The following SPIDR variants were observed in gnomAD, a reference collection of about 807,000 sequenced individuals.
SPIDR encodes DNA repair-scaffolding protein.
Under a neutral mutation model 104.6 loss-of-function variants are expected in SPIDR, and 93 were observed. The ratio of observed to expected loss-of-function variants is 0.89; its 90% CI spans 0.75 to 1.06. The LOEUF is 1.06. SPIDR is among the 50% of genes least tolerant of loss of function. SPIDR has a pLI of 0.00. For missense variants in SPIDR, 1,154 were observed against 1,111.2 expected (o/e 1.04, Z -0.55); for synonymous variants, 431 against 416.9 (o/e 1.03, Z -0.41).
chr8:47,331,964 ACTTTTTTTTTTTTTTTTTTTTTCTC>A (rs2048747154), intron 5 of SPIDR, among the ~76,000 whole-genome samples: 1 of 50,618 alleles, frequency 2.0e-5, no homozygotes, highest in African/African-American at 7.1e-5. Flanking sequence ...ATTTTTTTAA[ACTTTTTTTTTTTTTTTTTTTTTCTC>A]TTTTTTTTTT....
chr8:47,724,046 A>G (rs1427525042), intron 16 of SPIDR, among the ~76,000 whole-genome samples: 4 of 152,134 alleles, frequency 2.6e-5, no homozygotes, highest in African/African-American at 9.7e-5. Context: ...CTTCTCTAGT[A>G]TTCTTCCTTT....
intron 10 of SPIDR, among the ~76,000 whole-genome samples, chr8:47,619,447 T>TGCA (rs750868787): frequency 1.8e-4 from 28 of 152,274 alleles, no homozygotes; most frequent in Middle Eastern, 3.4e-3. Context: ...GCAGCCCCTG[T>TGCA]GCAGCTCCCT....
At position 47,575,018 on chromosome 8, in the gene SPIDR, A is replaced by G. The variant is rs75746529; in HGVS notation, c.1098-20793A>G. Among the ~76,000 whole-genome samples the G allele has an allele frequency of 4.7e-3, 722 of 152,246 alleles. 5 individuals carry two copies. The highest frequency in any genetic ancestry group is 0.016 in the African/African-American group (685 of 41,526). On this transcript the variant is annotated intron_variant, in intron 8 of 19. Transcript: ENST00000297423. ...ATTTTCAGTTCAACTAGAATTTTTA[A>G]ACCAGAAAACAAAACAGAACCCCTG...
rs188549514 is a variant in SPIDR at position 47,693,558 on chromosome 8, C to T, written c.1686-6845C>T. On this transcript the variant is annotated intron_variant, in intron 11 of 19. Transcript: ENST00000297423. ...GATCCATGGCCTCGTGCCATGCCAGCGTTATGCGCCTCCCAGGCACCAGTC... is the reference window on the plus strand; with the variant it reads ...GATCCATGGCCTCGTGCCATGCCAGTGTTATGCGCCTCCCAGGCACCAGTC... Among the ~76,000 whole-genome samples the T allele has an allele frequency of 1.8e-3, 268 of 152,330 alleles. 1 individual carries two copies. Among genetic ancestry groups the T allele is most frequent in the African/African-American group, 5.6e-3 (231 of 41,570 alleles).
chr8:47,388,889 A>G (rs1554649839), intron 5 of SPIDR, among the ~76,000 whole-genome samples: 1 of 152,234 alleles, frequency 6.6e-6, no homozygotes, highest in Non-Finnish European at 1.5e-5. Context: ...GATGGCTTCA[A>G]CCAAGGTCAT....
intron 8 of SPIDR, among the ~76,000 whole-genome samples, chr8:47,552,564 A>G (rs2090691525): frequency 6.6e-6 from 1 of 151,430 alleles, no homozygotes. Flanking sequence ...TTGTTTTATT[A>G]GAGACTAGGA....
intron 5 of SPIDR, among the ~76,000 whole-genome samples, chr8:47,323,932 A>G (rs1349757349): frequency 6.6e-6 from 1 of 152,192 alleles, no homozygotes; most frequent in Non-Finnish European, 1.5e-5. Context: ...ATAAGAAATA[A>G]TACTGTAACT....
chr8:47,289,368 T>G (rs1210504247), intron 3 of SPIDR, among the ~76,000 whole-genome samples: 2 of 152,168 alleles, frequency 1.3e-5, no homozygotes, highest in African/African-American at 4.8e-5. Flanking sequence ...AAAATGTGCT[T>G]TGAAATATAT....
chr8:47,553,297 G>T (rs2090849226), intron 8 of SPIDR, among the ~76,000 whole-genome samples: 1 of 151,486 alleles, frequency 6.6e-6, no homozygotes, highest in South Asian at 2.1e-4. Context: ...TCCTGAATTT[G>T]AATGTTGGGG....
intron 5 of SPIDR, among the ~76,000 whole-genome samples, chr8:47,298,305 GT>G (rs1217977467): frequency 6.6e-6 from 1 of 152,036 alleles, no homozygotes; most frequent in African/African-American, 2.4e-5. Context: ...TGATGGGGTT[GT>G]TTTTTTCTTG....
At chr8:47,521,564 C>T (rs933234494) in intron 8 of SPIDR, among the ~76,000 whole-genome samples, 1 of 151,444 alleles carries the variant, frequency 6.6e-6, no homozygotes, top group African/African-American at 2.4e-5. Context: ...GCTGGGATTA[C>T]AGGCACGCAC....
At chr8:47,291,488 T>G (rs1467528191) in intron 4 of SPIDR, among the ~76,000 whole-genome samples, 1 of 152,218 alleles carries the variant, frequency 6.6e-6, no homozygotes, top group Admixed American at 6.5e-5. Flanking sequence ...GCCCAGCAAC[T>G]GCACCTTTAG....
chr8:47,310,815 A>G (rs1554584574), intron 5 of SPIDR, among the ~76,000 whole-genome samples: 1 of 152,222 alleles, frequency 6.6e-6, no homozygotes, highest in Non-Finnish European at 1.5e-5. Flanking sequence ...TCAGAGGTGT[A>G]TAGCCAACTT....
chr8:47,604,055 A>G (rs1176273391), intron 10 of SPIDR, among the ~76,000 whole-genome samples: 1 of 152,212 alleles, frequency 6.6e-6, no homozygotes, highest in African/African-American at 2.4e-5. Flanking sequence ...CTCCTGGAGC[A>G]TAGTTCTAGT....
chr8:47,264,168 A>G lies in SPIDR; in HGVS notation c.33+3177A>G, dbSNP rs140072677. ...CAGATATATCACGACTCTTAAGATG[A>G]AAGGTGGTGTGGTTATGGACTAAGG... is the stretch of plus-strand genomic sequence containing the variant. On this transcript the variant is annotated intron_variant, in intron 1 of 19. Transcript: ENST00000297423. Among the ~76,000 whole-genome samples, 188 of 152,272 alleles carry G rather than the reference A, an allele frequency of 1.2e-3. 1 individual carries two copies. Among genetic ancestry groups the G allele is most frequent in the African/African-American group, 4.4e-3 (184 of 41,554 alleles).
intron 8 of SPIDR, among the ~76,000 whole-genome samples, chr8:47,519,744 C>T (rs2083748915): frequency 6.6e-6 from 1 of 152,072 alleles, no homozygotes; most frequent in South Asian, 2.1e-4. Flanking sequence ...GTGATGGCAC[C>T]ACTGCACTCT....
At chr8:47,494,977 A>G (rs187286865) in intron 8 of SPIDR, among the ~76,000 whole-genome samples, 4 of 152,306 alleles carry the variant, frequency 2.6e-5, no homozygotes, top group Admixed American at 6.5e-5. Context: ...TGACTTTTGT[A>G]ATGTTCTCCA....
chr8:47,721,478 T>C (rs2083382013), intron 16 of SPIDR, among the ~76,000 whole-genome samples: 1 of 151,888 alleles, frequency 6.6e-6, no homozygotes, highest in East Asian at 1.9e-4. Flanking sequence ...ATTGAAACTT[T>C]TTTTTTTTTT....
chr8:47,592,259 G>A, intron 8 of SPIDR: 1 of 1,256,358 alleles, frequency 8.0e-7, no homozygotes, highest in Non-Finnish European at 1.2e-6. Flanking sequence ...GTCTGGATTG[G>A]GAGCACATAA....
Sources: allele counts gnomAD v4.1 joint callset (sites outside exome capture counted in the v4.1 genomes callset), GRCh38; gene constraint gnomAD v4.1.1; transcripts MANE v1.5; gene names NCBI Gene and HGNC (gene_info 2026-07-23, HGNC 2026-07-21).